RYR3: variants seen among roughly 807,000 people sequenced by gnomAD.
RYR3 encodes the protein ryanodine receptor 3, also known as brain ryanodine receptor-calcium release channel.
Under a neutral mutation model 584.3 loss-of-function variants are expected in RYR3, and 207 were observed. That is an observed-to-expected ratio of 0.35 (90% CI 0.32 to 0.40). The LOEUF (loss-of-function observed/expected upper bound fraction) is 0.40. Ranked by LOEUF, RYR3 falls within the 10% of genes least tolerant of loss-of-function variation. The pLI is 1.00. For synonymous variants in RYR3, 2,416 were observed against 2,248.5 expected (o/e 1.07, Z -2.11); for missense variants, 5,616 against 6,089.2 (o/e 0.92, Z 2.59).
rs578054293 is a variant in RYR3, at chr15:33,501,441, A to C, written c.172-2190A>C. 3.3e-5 allele frequency among the ~76,000 whole-genome samples: 5 copies of C among 152,332 alleles called. No individual in the cohort carries two copies. In the South Asian group the frequency reaches 1.0e-3, roughly 32 times the overall value. On this transcript the variant is annotated intron_variant, in intron 2 of 103. Transcript: ENST00000634891. ...GAGAATAGACTGAATATGTTATTGT[A>C]AAAGTGGGCATTAATGTTGTGACCA...
intron 101 of RYR3, 52 bp downstream of exon 101, chr15:33,860,711 C>G: frequency 1.5e-6 from 2 of 1,307,194 alleles, no homozygotes; most frequent in Non-Finnish European, 2.1e-6. Context: ...TCCCCAGAAG[C>G]AAATAGATTT....
chr15:33,658,958 G>C (rs890125430), intron 32 of RYR3, among the ~76,000 whole-genome samples: 1 of 152,210 alleles, frequency 6.6e-6, no homozygotes, highest in Non-Finnish European at 1.5e-5. Flanking sequence ...GAGGGAGACA[G>C]TGTCCTTTTG....
chr15:33,583,098 G>T (rs1038987513), intron 14 of RYR3, among the ~76,000 whole-genome samples: 1 of 152,174 alleles, frequency 6.6e-6, no homozygotes, highest in African/African-American at 2.4e-5. Context: ...GGATCAGCTG[G>T]AGAGCTGGTT....
At chr15:33,706,830 C>T (rs1596257918) in intron 42 of RYR3, 89 bp from the exon 43 acceptor site, 27 of 1,321,566 alleles carry the variant, frequency 2.0e-5, no homozygotes, top group Non-Finnish European at 2.8e-5. Context: ...TCTCTACATC[C>T]TCAACCAACA....
At chr15:33,494,431 C>T (rs184863716) in intron 2 of RYR3, among the ~76,000 whole-genome samples, 1 of 152,306 alleles carries the variant, frequency 6.6e-6, no homozygotes, top group Non-Finnish European at 1.5e-5. Flanking sequence ...TCATTCTGCT[C>T]ATGGCTGCAA....
intron 2 of RYR3, among the ~76,000 whole-genome samples, chr15:33,475,170 G>A (rs1303406972): frequency 6.6e-6 from 1 of 152,210 alleles, no homozygotes; most frequent in African/African-American, 2.4e-5. Context: ...CGTGGGACAA[G>A]TCAGTCACTC....
chr15:33,649,316 C>A (rs1055373853), intron 31 of RYR3, 81 bp downstream of exon 31: 4 of 1,341,894 alleles, frequency 3.0e-6, no homozygotes, highest in Admixed American at 1.9e-5. Flanking sequence ...ACCCCACACC[C>A]AAAGAAGGAA....
chr15:33,793,255 C>A (rs1159534129), intron 67 of RYR3, among the ~76,000 whole-genome samples: 1 of 152,164 alleles, frequency 6.6e-6, no homozygotes, highest in Non-Finnish European at 1.5e-5. Flanking sequence ...ACCCTCCCTG[C>A]CCATCAATGT....
rs74008306 is a variant in RYR3, at chr15:33,785,074, A to G, written c.9269-588A>G. Among the ~76,000 whole-genome samples, 336 of 152,324 alleles carry G rather than the reference A, an allele frequency of 2.2e-3. 1 individual carries two copies. Among genetic ancestry groups the G allele is most frequent in the African/African-American group, 8.0e-3 (331 of 41,560 alleles). On this transcript the variant is annotated intron_variant, in intron 65 of 103. Coordinates refer to ENST00000634891, the MANE Select transcript of RYR3 (RefSeq NM_001036.6). The stretch of plus-strand genomic sequence containing the variant: ...TCAATCAAGCCACCTCAGGTCATCC[A>G]TCATTTCTATTGTGAAGCCAGAAAT...
At chr15:33,653,767 C>G (rs1664616941) in intron 32 of RYR3, among the ~76,000 whole-genome samples, 1 of 152,108 alleles carries the variant, frequency 6.6e-6, no homozygotes, top group South Asian at 2.1e-4. Context: ...CTGTTATACA[C>G]ATGTAGGTTT....
chr15:33,721,558 T>C (rs2067913101), intron 43 of RYR3, among the ~76,000 whole-genome samples: 1 of 152,228 alleles, frequency 6.6e-6, no homozygotes, highest in Non-Finnish European at 1.5e-5. Flanking sequence ...GAAAAGTTTT[T>C]CTTCAAGCTT....
At chr15:33,532,268 C>G (rs1317510341) in intron 4 of RYR3, among the ~76,000 whole-genome samples, 1 of 152,290 alleles carries the variant, frequency 6.6e-6, no homozygotes, top group South Asian at 2.1e-4. Context: ...GTTTAACAGT[C>G]ATTTCTAAGT....
chr15:33,612,004 T>C (rs57871707), intron 18 of RYR3, among the ~76,000 whole-genome samples: 10,356 of 152,286 alleles, frequency 0.068, 562 homozygotes, highest in East Asian at 0.16. Flanking sequence ...TGAATACATA[T>C]TATTTCTGTA....
chr15:33,744,694 G>A (rs569742422), intron 52 of RYR3, among the ~76,000 whole-genome samples: 1 of 152,290 alleles, frequency 6.6e-6, no homozygotes, highest in African/African-American at 2.4e-5. Context: ...TGCCGGCCTT[G>A]GGAACAGCAG....
chr15:33,349,089 G>GGCTTGATA (rs1249855674), intron 1 of RYR3, among the ~76,000 whole-genome samples: 1 of 146,734 alleles, frequency 6.8e-6, no homozygotes, highest in Non-Finnish European at 1.5e-5. Flanking sequence ...ATCTTTTTGT[G>GGCTTGATA]GCTTGATAGC....
chr15:33,660,240 A>C lies in RYR3; in HGVS notation c.4439A>C (p.Lys1480Thr). 1 of 1,553,738 alleles carries C rather than the reference A, an allele frequency of 6.4e-7. No individual in the cohort carries two copies. Among genetic ancestry groups the C allele is most frequent in the Non-Finnish European group, 8.7e-7 (1 of 1,148,244 alleles). The change falls in exon 34 of 104, where the codon AAG becomes ACG. Residue 1480 changes from lysine to threonine, a missense_variant. Transcript: ENST00000634891. Reference sequence around the variant, plus strand: ...GCGGCCATATTCAGGAGTGAAGAGAAGAACCCAGTCCCACAGTGTCCACCT... The same window carrying C: ...GCGGCCATATTCAGGAGTGAAGAGACGAACCCAGTCCCACAGTGTCCACCT... ...LSAAIFRSEE[K>T]NPVPQCPPRL...
In RYR3 at chr15:33,385,133, AC is replaced by A. The variant is rs1388126506; in HGVS notation, c.51+74038del. Reference sequence around the variant, plus strand: ...TCCTTATTCCTCTACTTTTTCATCTACATTAAAGGGTTATTTTCTGGATGTA... The same window carrying A: ...TCCTTATTCCTCTACTTTTTCATCTAATTAAAGGGTTATTTTCTGGATGTA... On this transcript the variant is annotated intron_variant, in intron 1 of 103. Coordinates refer to ENST00000634891, the MANE Select transcript of RYR3 (RefSeq NM_001036.6). 2.6e-5 allele frequency among the ~76,000 whole-genome samples: 4 copies of A among 152,196 alleles called. No individual in the cohort carries two copies. The South Asian group carries it at 8.3e-4, about 32-fold the overall frequency.
At chr15:33,434,675 A>G (rs2141783655) in intron 1 of RYR3, among the ~76,000 whole-genome samples, 1 of 152,310 alleles carries the variant, frequency 6.6e-6, no homozygotes, top group Non-Finnish European at 1.5e-5. Flanking sequence ...GGTATTACCG[A>G]TAACTGTGTG....
chr15:33,676,261 G>A (rs908887325), intron 38 of RYR3, among the ~76,000 whole-genome samples: 2 of 146,160 alleles, frequency 1.4e-5, no homozygotes, highest in African/African-American at 2.5e-5. Flanking sequence ...AAAAAGGCAA[G>A]GAAATGGATT....
Sources: gnomAD v4.1 joint callset for allele counts (sites outside exome capture counted in the v4.1 genomes callset) on GRCh38, gnomAD v4.1.1 for gene constraint, MANE v1.5 for transcripts, NCBI Gene and HGNC (gene_info 2026-07-23, HGNC 2026-07-21) for gene names.